The following SLC30A8 variants were observed in gnomAD, a reference collection of about 807,000 sequenced individuals.
SLC30A8 encodes the protein solute carrier family 30 member 8.
Under a neutral mutation model 36.9 loss-of-function variants are expected in SLC30A8, and 27 were observed. The ratio of observed to expected loss-of-function variants is 0.73; its 90% confidence interval spans 0.54 to 1.01. The LOEUF (loss-of-function observed/expected upper bound fraction) is 1.01, where lower values mean the gene tolerates loss of function less well. Ranked by LOEUF, SLC30A8 falls within the 50% of genes least tolerant of loss-of-function variation. The probability of loss-of-function intolerance (pLI) is 0.00; values close to 1 mark genes in which losing one functional copy is unlikely to be tolerated. For synonymous variants in SLC30A8, 164 were observed against 172.4 expected (o/e 0.95, Z 0.38); for missense variants, 439 against 452.0 (o/e 0.97, Z 0.26).
chr8:117,042,967 C>T (rs557873779), intron 2 of SLC30A8, among the ~76,000 whole-genome samples: 6 of 152,258 alleles, frequency 3.9e-5, no homozygotes, highest in South Asian at 2.1e-4. Flanking sequence ...TGAGCCACCG[C>T]GCCCAGGCTA....
At chr8:117,144,238 T>C (rs746840201) in intron 1 of SLC30A8, among the ~76,000 whole-genome samples, 1 of 152,144 alleles carries the variant, frequency 6.6e-6, no homozygotes, top group Non-Finnish European at 1.5e-5. Flanking sequence ...AAAGCAAAAG[T>C]CTACTCATTT....
At position 117,172,983 on chromosome 8, in the gene SLC30A8, C is replaced by T. The variant is rs1823468473; in HGVS notation, c.*302C>T. The T allele has an allele frequency of 3.3e-6, 1 of 306,058 alleles. No homozygotes were observed. Among genetic ancestry groups the T allele is most frequent in the Non-Finnish European group, 6.0e-6 (1 of 165,906 alleles). The allele number at this position is 306,058 out of a possible 1,614,324, so 19.0% of individuals were successfully genotyped here. ...CTATCGGCAATACCAAATTCATCTC[C>T]CTTCCAATAATGCATCTTGAGAACA... On this transcript the variant is annotated 3_prime_UTR_variant, in exon 8 of 8. Transcript: ENST00000456015.
intron 1 of SLC30A8, among the ~76,000 whole-genome samples, chr8:117,026,805 C>T (rs1816888884): frequency 6.6e-6 from 1 of 152,140 alleles, no homozygotes; most frequent in Non-Finnish European, 1.5e-5. Flanking sequence ...CTTGTTTAAT[C>T]CTCACAAAAT....
chr8:117,159,488 A>C (rs1822669360), intron 4 of SLC30A8, among the ~76,000 whole-genome samples: 1 of 152,204 alleles, frequency 6.6e-6, no homozygotes. Context: ...CTCAGCTCTC[A>C]GTTTGTGAAC....
intron 2 of SLC30A8, among the ~76,000 whole-genome samples, chr8:117,059,046 A>C (rs527758614): frequency 6.6e-6 from 1 of 152,338 alleles, no homozygotes; most frequent in Admixed American, 6.5e-5. Context: ...ACTGCAGAAC[A>C]TTATAAAGTT....
chr8:117,066,757 G>A (rs115614159), intron 2 of SLC30A8, among the ~76,000 whole-genome samples: 1,776 of 152,180 alleles, frequency 0.012, 51 homozygotes, highest in African/African-American at 0.04. Flanking sequence ...TGGCAATAAA[G>A]GATAGGTTGG....
chr8:117,105,574 T>C (rs949090087), intron 2 of SLC30A8, among the ~76,000 whole-genome samples: 4 of 152,156 alleles, frequency 2.6e-5, no homozygotes, highest in Admixed American at 1.3e-4. Context: ...ATATCTGAAA[T>C]TTGTAGGGCA....
intron 1 of SLC30A8, among the ~76,000 whole-genome samples, chr8:117,007,515 C>T (rs1194425017): frequency 1.3e-5 from 2 of 152,140 alleles, no homozygotes; most frequent in African/African-American, 4.8e-5. Context: ...TTCCTTCAGC[C>T]AAACAAATGT....
chr8:117,011,343 T>C (rs571568070), intron 1 of SLC30A8, among the ~76,000 whole-genome samples: 1 of 152,342 alleles, frequency 6.6e-6, no homozygotes, highest in East Asian at 1.9e-4. Context: ...TTTTTCAGGT[T>C]GTGTCCTCTT....
At chr8:117,117,544 G>A (rs1444633399) in intron 2 of SLC30A8, among the ~76,000 whole-genome samples, 1 of 151,926 alleles carries the variant, frequency 6.6e-6, no homozygotes, top group Non-Finnish European at 1.5e-5. Flanking sequence ...GCTATGGAGA[G>A]GTTTTCAACT....
chr8:117,170,585 G>A (rs1175378667), intron 6 of SLC30A8, among the ~76,000 whole-genome samples: 1 of 152,116 alleles, frequency 6.6e-6, no homozygotes, highest in Non-Finnish European at 1.5e-5. Context: ...TGATCTATGT[G>A]TTGTTCTTAA....
At chr8:117,146,397 A>T (rs1821895869) in intron 1 of SLC30A8, among the ~76,000 whole-genome samples, 1 of 152,216 alleles carries the variant, frequency 6.6e-6, no homozygotes. Flanking sequence ...TTTGGGAAGC[A>T]TAAGTAGGTT....
chr8:117,090,809 G>C (rs563048437), intron 2 of SLC30A8, among the ~76,000 whole-genome samples: 1 of 152,140 alleles, frequency 6.6e-6, no homozygotes, highest in Admixed American at 6.5e-5. Context: ...TTAGCTCTCT[G>C]TATTTGTCAC....
At chr8:117,109,599 T>C (rs1820137313) in intron 2 of SLC30A8, among the ~76,000 whole-genome samples, 1 of 152,172 alleles carries the variant, frequency 6.6e-6, no homozygotes, top group Non-Finnish European at 1.5e-5. Context: ...CCCGTGTATA[T>C]TTTGGCTGGA....
At chr8:117,146,779 A>G (rs1467788150) in intron 1 of SLC30A8, 175 bp from the exon 2 acceptor site, 2 of 1,404,782 alleles carry the variant, frequency 1.4e-6, no homozygotes, top group African/African-American at 1.4e-5. Context: ...TTTAGAAGGA[A>G]ATTTCTAGCT....
intron 1 of SLC30A8, among the ~76,000 whole-genome samples, chr8:116,954,682 T>C (rs1814127232): frequency 6.6e-6 from 1 of 152,228 alleles, no homozygotes; most frequent in Admixed American, 6.5e-5. Context: ...AGTGAATGTA[T>C]AACATTCTTT....
chr8:117,068,073 GA>G (rs1223216171), intron 2 of SLC30A8, among the ~76,000 whole-genome samples: 1 of 152,142 alleles, frequency 6.6e-6, no homozygotes, highest in East Asian at 1.9e-4. Flanking sequence ...CATGCCTAAT[GA>G]AAATCAATCT....
At chr8:117,081,904 TCTC>T (rs1818688453) in intron 2 of SLC30A8, among the ~76,000 whole-genome samples, 1 of 152,208 alleles carries the variant, frequency 6.6e-6, no homozygotes, top group African/African-American at 2.4e-5. Flanking sequence ...TTTCTGCTCT[TCTC>T]CTGCTCTCTC....
intron 1 of SLC30A8, among the ~76,000 whole-genome samples, chr8:117,033,867 C>T (rs1340042619): frequency 6.6e-6 from 1 of 152,070 alleles, no homozygotes; most frequent in Non-Finnish European, 1.5e-5. Context: ...TGATTCTGGC[C>T]TAGTGAGAGC....
Sources: allele counts gnomAD v4.1 joint callset (sites outside exome capture counted in the v4.1 genomes callset), GRCh38; gene constraint gnomAD v4.1.1; transcripts MANE v1.5; gene names NCBI Gene and HGNC (gene_info 2026-07-23, HGNC 2026-07-21).